The following TBC1D1 variants were observed in gnomAD, a reference collection of about 807,000 sequenced individuals.
TBC1D1 encodes the protein TBC1 (tre-2/USP6, BUB2, cdc16) domain family, member 1.
In TBC1D1, 89 loss-of-function variants were observed where a neutral mutation model predicts 125.6. The observed-to-expected ratio is 0.71, with a 90% CI of 0.60 to 0.85. The LOEUF is 0.85. Among genes scored for constraint, TBC1D1 ranks in the 40% least tolerant of loss-of-function variants. The pLI is 0.00. For synonymous variants in TBC1D1, 565 were observed against 564.1 expected (o/e 1.00, Z -0.02); for missense variants, 1,377 against 1,469.2 (o/e 0.94, Z 1.03).
chr4:38,128,013 A>G (rs939100534), intron 18 of TBC1D1, among the ~76,000 whole-genome samples: 6 of 152,182 alleles, frequency 3.9e-5, no homozygotes, highest in Non-Finnish European at 8.8e-5. Context: ...ATGATGGGTC[A>G]TGTTGCAAAA....
intron 2 of TBC1D1, among the ~76,000 whole-genome samples, chr4:37,903,296 G>A (rs114914993): frequency 0.019 from 2,913 of 152,280 alleles, 41 homozygotes; most frequent in Middle Eastern, 0.041. Flanking sequence ...GTAGCTCTGG[G>A]CAGGACTCAT....
intron 6 of TBC1D1, among the ~76,000 whole-genome samples, 178 bp from the exon 7 acceptor site, chr4:38,027,610 T>A (rs1203207675): frequency 6.6e-6 from 1 of 151,974 alleles, no homozygotes; most frequent in Non-Finnish European, 1.5e-5. Context: ...CAATCCAGCC[T>A]GGGTGACAGA....
rs1439306384 is a variant in TBC1D1 at position 37,977,562 on chromosome 4, A to T, written c.418-36947A>T. 1 of 737,664 alleles carries T rather than the reference A, an allele frequency of 1.4e-6. No individual in the cohort carries two copies. Among genetic ancestry groups the T allele is most frequent in the Non-Finnish European group, 1.7e-6 (1 of 592,314 alleles). The allele number at this position is 737,664 out of a possible 1,614,324, so 45.7% of individuals were successfully genotyped here. A position where few individuals can be genotyped will look rare whatever the true frequency, so the allele number is the denominator to read the frequency against. On this transcript the variant is annotated intron_variant, in intron 2 of 19. Transcript: ENST00000261439. The surrounding 1 kb of genome is among the most constrained non-coding windows in gnomAD (Gnocchi z 4.3). Reference sequence around the variant, plus strand: ...GCGTCGGGCGGGCGCCCGTTACCGGAGCGGAGCGGCAGGCGCGGGGCTGGA... The same window carrying T: ...GCGTCGGGCGGGCGCCCGTTACCGGTGCGGAGCGGCAGGCGCGGGGCTGGA...
rs868006342 is a variant in TBC1D1 at position 38,055,193 on chromosome 4, A to G, written c.2050+855A>G. Among the ~76,000 whole-genome samples the G allele has an allele frequency of 3.9e-5, 6 of 152,102 alleles. No homozygotes were observed. The South Asian group carries it at 8.3e-4, about 21-fold the overall frequency. The stretch of plus-strand genomic sequence containing the variant: ...TAGAGAAACAGTTGACAACTGCCTG[A>G]CCAACACCTGATGGTCGCCTGACAT... On this transcript the variant is annotated intron_variant, in intron 12 of 19. Transcript: ENST00000261439.
rs182343119 is a variant in TBC1D1 at position 38,028,648 on chromosome 4, C to G, written c.1302+769C>G. Among the ~76,000 whole-genome samples the G allele has an allele frequency of 7.6e-4, 116 of 152,316 alleles. 1 individual carries two copies. Among genetic ancestry groups the G allele is most frequent in the African/African-American group, 2.7e-3 (112 of 41,574 alleles). ...GTAAAACTAAATGAAACAGGCAAGC[C>G]TCTTCCTTAAACAAATGTTAGAATA... On this transcript the variant is annotated intron_variant, in intron 7 of 19. Coordinates refer to ENST00000261439, the MANE Select transcript of TBC1D1 (RefSeq NM_015173.4).
chr4:38,101,932 CAAAT>C (rs1474482942), intron 14 of TBC1D1, among the ~76,000 whole-genome samples: 1 of 152,028 alleles, frequency 6.6e-6, no homozygotes, highest in Non-Finnish European at 1.5e-5. Context: ...AGGCTCGACT[CAAAT>C]GAAGGATTCT....
At position 38,065,568 on chromosome 4, in the gene TBC1D1, A is replaced by G. The variant is rs561098237; in HGVS notation, c.2050+11230A>G. Among the ~76,000 whole-genome samples, 9 of 151,892 alleles carry G rather than the reference A, an allele frequency of 5.9e-5. No homozygotes were observed. In the South Asian group the frequency reaches 1.9e-3, roughly 32 times the overall value. ...TCAGATATTAATAATAGCCATTGTA[A>G]TTATCTTTATCATGTATTAAGCATT... On this transcript the variant is annotated intron_variant, in intron 12 of 19. Coordinates refer to ENST00000261439, the MANE Select transcript of TBC1D1 (RefSeq NM_015173.4).
chr4:38,043,097 TC>T (rs1354711983), intron 8 of TBC1D1, among the ~76,000 whole-genome samples: 1 of 151,942 alleles, frequency 6.6e-6, no homozygotes, highest in African/African-American at 2.4e-5. Flanking sequence ...AGACAGGGTT[TC>T]CCCGTGTTGG....
At chr4:38,085,675 G>A (rs763924983) in intron 12 of TBC1D1, among the ~76,000 whole-genome samples, 7 of 152,204 alleles carry the variant, frequency 4.6e-5, no homozygotes, top group Non-Finnish European at 5.9e-5. Context: ...AATGCAAGTC[G>A]GGGAGAGAAG....
In TBC1D1 at chr4:38,110,776, C is replaced by T. The variant is rs190231632; in HGVS notation, c.2558-4934C>T. 4.3e-3 allele frequency: 4,226 copies of T among 985,426 alleles called. 7 individuals are homozygous for T. Among genetic ancestry groups the T allele is most frequent in the Non-Finnish European group, 4.8e-3 (3,976 of 829,938 alleles). The allele number at this position is 985,426 out of a possible 1,614,324, so 61.0% of individuals were successfully genotyped here. On this transcript the variant is annotated intron_variant, in intron 15 of 19. Transcript: ENST00000261439. ...AGTTTAAAGAGGCAGGCCTCATATC[C>T]TGATAGATTTGTAGGAAGGATTGCA...
chr4:38,051,380 G>A (rs1378028620), intron 11 of TBC1D1, among the ~76,000 whole-genome samples: 1 of 152,058 alleles, frequency 6.6e-6, no homozygotes, highest in Admixed American at 6.5e-5. Context: ...CATTTTAAAG[G>A]GAAATGTATT....
intron 2 of TBC1D1, among the ~76,000 whole-genome samples, chr4:37,959,413 T>C (rs1224572211): frequency 6.6e-6 from 1 of 152,126 alleles, no homozygotes; most frequent in Non-Finnish European, 1.5e-5. Context: ...ATCATACAGG[T>C]CTTCACCCTC....
intron 2 of TBC1D1, among the ~76,000 whole-genome samples, chr4:37,994,474 G>C (rs1737321890): frequency 6.6e-6 from 1 of 151,958 alleles, no homozygotes; most frequent in Admixed American, 6.6e-5. Flanking sequence ...TGAACTCCTG[G>C]ATTCAAGCAC....
At chr4:38,097,912 C>T (rs549073790) in intron 14 of TBC1D1, among the ~76,000 whole-genome samples, 6 of 152,296 alleles carry the variant, frequency 3.9e-5, no homozygotes, top group African/African-American at 1.2e-4. Context: ...TTGTTTGTTA[C>T]GCATTTTCCC....
intron 2 of TBC1D1, among the ~76,000 whole-genome samples, chr4:37,973,323 C>T (rs534720507): frequency 2.5e-4 from 38 of 152,304 alleles, no homozygotes; most frequent in Non-Finnish European, 4.4e-4. Flanking sequence ...AAACAATGAA[C>T]CCTTCATGTC....
intron 2 of TBC1D1, among the ~76,000 whole-genome samples, chr4:37,941,749 A>C (rs1436619542): frequency 2.0e-5 from 3 of 152,222 alleles, no homozygotes; most frequent in African/African-American, 7.2e-5. Flanking sequence ...GTTTCAAAGA[A>C]CATCTTTATT....
At position 38,008,671 on chromosome 4, in the gene TBC1D1, C is replaced by T. The variant is rs116443490; in HGVS notation, c.418-5838C>T. ...CAGCCAGCTAACAGGGACACCTGAT[C>T]ACTCCTTGGCAAGATGTAACACATT... On this transcript the variant is annotated intron_variant, in intron 2 of 19. Transcript: ENST00000261439. Among the ~76,000 whole-genome samples the T allele has an allele frequency of 5.5e-3, 841 of 152,310 alleles. 10 individuals carry two copies. The highest frequency in any genetic ancestry group is 0.019 in the African/African-American group (800 of 41,564).
rs539456974 is a variant in TBC1D1, at chr4:37,928,834, T to C, written c.417+26322T>C. On this transcript the variant is annotated intron_variant, in intron 2 of 19. Coordinates refer to ENST00000261439, the MANE Select transcript of TBC1D1 (RefSeq NM_015173.4). ...CGTTATAACTTTGAAAAATCCATCA[T>C]GGCCACTTAATTTCCCTCTTTACAT... 3.9e-5 allele frequency among the ~76,000 whole-genome samples: 6 copies of C among 152,394 alleles called. No homozygotes were observed. In the South Asian group the frequency reaches 1.0e-3, roughly 26 times the overall value.
chr4:38,135,854 ATGTGTGTGTGTATATATATG>A (rs1422804028), intron 19 of TBC1D1, among the ~76,000 whole-genome samples: 1 of 69,062 alleles, frequency 1.4e-5, no homozygotes, highest in Non-Finnish European at 3.3e-5. Context: ...ATATATATAT[ATGTGTGTGTGTATATATATG>A]TGTGTGTGTG....
Sources: gnomAD v4.1 joint callset for allele counts (sites outside exome capture counted in the v4.1 genomes callset) on GRCh38, gnomAD v4.1.1 for gene constraint, Gnocchi (gnomAD v3.1) non-coding constraint, MANE v1.5 for transcripts, NCBI Gene and HGNC (gene_info 2026-07-23, HGNC 2026-07-21) for gene names.